The following PCLO variants were observed in gnomAD, a reference collection of about 807,000 sequenced individuals.
PCLO encodes protein piccolo.
In PCLO, 82 loss-of-function variants were observed where a neutral mutation model predicts 427.5. The ratio of observed to expected loss-of-function variants is 0.19; its 90% CI spans 0.16 to 0.23. The LOEUF (loss-of-function observed/expected upper bound fraction) is 0.23, where lower values mean the gene tolerates loss of function less well. PCLO is among the 10% of genes least tolerant of loss of function. The pLI is 1.00. For missense variants in PCLO, 6,239 were observed against 6,115.9 expected, an observed-to-expected ratio of 1.02 and a Z score of -0.67; for synonymous variants, 2,357 against 2,155.4, an observed-to-expected ratio of 1.09 and a Z score of -2.59.
At chr7:83,019,994 T>C (rs1788302151) in intron 3 of PCLO, among the ~76,000 whole-genome samples, 2 of 152,076 alleles carry the variant, frequency 1.3e-5, no homozygotes, top group Admixed American at 6.6e-5. Context: ...GAAGTAAGAG[T>C]CTAAATGATG....
chr7:82,846,325 G>A (rs1348505777), intron 12 of PCLO, among the ~76,000 whole-genome samples: 3 of 152,054 alleles, frequency 2.0e-5, no homozygotes, highest in Admixed American at 1.3e-4. Flanking sequence ...AGGATTTTAC[G>A]TGAACTTGTT....
At chr7:82,904,495 T>TG (rs1355967980) in intron 8 of PCLO, among the ~76,000 whole-genome samples, 1 of 152,076 alleles carries the variant, frequency 6.6e-6, no homozygotes, top group Non-Finnish European at 1.5e-5. Flanking sequence ...GCTTTGGTAC[T>TG]GCAGGTAATT....
chr7:82,938,617 C>CA (rs1423212810), intron 6 of PCLO, among the ~76,000 whole-genome samples: 5 of 151,788 alleles, frequency 3.3e-5, no homozygotes, highest in Non-Finnish European at 7.4e-5. Flanking sequence ...TGAAGAAATT[C>CA]AAAAACATTT....
At chr7:82,935,573 T>C (rs1206629333) in intron 6 of PCLO, among the ~76,000 whole-genome samples, 3 of 151,636 alleles carry the variant, frequency 2.0e-5, no homozygotes, top group Non-Finnish European at 3.0e-5. Flanking sequence ...AAAATCTATG[T>C]CTACACAAAG....
At chr7:82,859,053 G>A (rs1275433617) in intron 10 of PCLO, among the ~76,000 whole-genome samples, 1 of 152,166 alleles carries the variant, frequency 6.6e-6, no homozygotes, top group Non-Finnish European at 1.5e-5. Flanking sequence ...GAAGGATTGC[G>A]TTTGGTTGTT....
chr7:83,114,833 A>C (rs2116537438), intron 3 of PCLO, among the ~76,000 whole-genome samples: 1 of 152,168 alleles, frequency 6.6e-6, no homozygotes, highest in South Asian at 2.1e-4. Context: ...GATTTGTTTT[A>C]TAAAAGTCAT....
chr7:82,997,099 C>A (rs1787639094), intron 3 of PCLO, among the ~76,000 whole-genome samples: 1 of 151,802 alleles, frequency 6.6e-6, no homozygotes, highest in African/African-American at 2.4e-5. Context: ...AGATCAAACA[C>A]GTTTGGGTCA....
intron 22 of PCLO, among the ~76,000 whole-genome samples, chr7:82,788,419 T>A (rs758767811): frequency 6.6e-6 from 1 of 151,772 alleles, no homozygotes; most frequent in Non-Finnish European, 1.5e-5. Flanking sequence ...TTTTGATAAA[T>A]TACATTTCTT....
At chr7:82,794,729 C>T (rs977482141) in intron 22 of PCLO, among the ~76,000 whole-genome samples, 1 of 151,734 alleles carries the variant, frequency 6.6e-6, no homozygotes, top group Admixed American at 6.6e-5. Context: ...TCTCCTCGGT[C>T]TCCCAAAGTG....
At position 82,842,703 on chromosome 7, in the gene PCLO, T is replaced by G. The variant is rs1792397723; in HGVS notation, c.14047-1194A>C. On this transcript the variant is annotated intron_variant, in intron 13 of 24. Transcript: ENST00000333891. ...AAAATATACAAGAAAGTCAAACAACTCAACAGCAGGAAAACAAATAACCTG... is the reference window on the plus strand; with the variant it reads ...AAAATATACAAGAAAGTCAAACAACGCAACAGCAGGAAAACAAATAACCTG... Among the ~76,000 whole-genome samples the G allele has an allele frequency of 5.3e-5, 8 of 151,730 alleles. 3 individuals carry two copies. In the Middle Eastern group the frequency reaches 0.02, roughly 387 times the overall value.
At chr7:82,957,653 C>G (rs1316078307) in intron 4 of PCLO, among the ~76,000 whole-genome samples, 1 of 152,182 alleles carries the variant, frequency 6.6e-6, no homozygotes, top group African/African-American at 2.4e-5. Flanking sequence ...TCTGACTCAT[C>G]AGTTCAGTTA....
intron 3 of PCLO, among the ~76,000 whole-genome samples, chr7:83,102,045 T>G (rs1026693256): frequency 6.6e-6 from 1 of 151,990 alleles, no homozygotes; most frequent in Non-Finnish European, 1.5e-5. Flanking sequence ...TTGTTAGAGT[T>G]GAAAAATTGT....
rs369719370 is a variant in PCLO at position 83,113,406 on chromosome 7, C to T, written c.3300+20844G>A. ...AGCCTTAGCTGTAGATGTATTCTAC[C>T]TTATAGACCTGATTTTATAATGAGA... On this transcript the variant is annotated intron_variant, in intron 3 of 24. Transcript: ENST00000333891. Among the ~76,000 whole-genome samples, 47 of 152,152 alleles carry T rather than the reference C, an allele frequency of 3.1e-4. No individual in the cohort carries two copies. The South Asian group carries it at 9.5e-3, about 31-fold the overall frequency.
At chr7:83,099,744 A>G (rs1790689712) in intron 3 of PCLO, among the ~76,000 whole-genome samples, 3 of 152,180 alleles carry the variant, frequency 2.0e-5, no homozygotes, top group Non-Finnish European at 4.4e-5. Context: ...ACACTTGCAA[A>G]TCTTCTAAGA....
At chr7:82,827,816 G>T in intron 17 of PCLO, 57 bp downstream of exon 17, 2 of 948,720 alleles carry the variant, frequency 2.1e-6, no homozygotes, top group Non-Finnish European at 3.3e-6. Context: ...GAATAATTGT[G>T]TTATCACTGT....
At chr7:83,064,050 G>C (rs1350852249) in intron 3 of PCLO, among the ~76,000 whole-genome samples, 1 of 152,016 alleles carries the variant, frequency 6.6e-6, no homozygotes, top group Admixed American at 6.6e-5. Context: ...CCTACAATGA[G>C]AATGGTAAGT....
At chr7:82,980,622 T>C (rs1796125281) in intron 3 of PCLO, among the ~76,000 whole-genome samples, 1 of 152,184 alleles carries the variant, frequency 6.6e-6, no homozygotes, top group Non-Finnish European at 1.5e-5. Context: ...CTGGTTTCCA[T>C]TTAGCATGGA....
intron 3 of PCLO, among the ~76,000 whole-genome samples, chr7:83,023,675 G>T (rs1296623269): frequency 6.6e-6 from 1 of 152,158 alleles, no homozygotes; most frequent in Non-Finnish European, 1.5e-5. Context: ...CCCAAAAACT[G>T]AACATGTCTT....
Position 82,950,216 on chromosome 7 carries a change from C to A in PCLO, c.10372G>T (p.Val3458Leu). ...DDEDATDRSY[V>L]SRRRRTKKSV... ...TTTTTAGTTCTCCTTCTCCTACTCA[C>A]ATAGCTCCGATCTGTGGCATCTTCG... Residue 3458 changes from valine (V) to leucine (L), a missense_variant, in exon 6 of 25, where the codon GTG becomes TTG. By Grantham distance (32) the Val-to-Leu change is conservative. Around this residue, in one of 5 missense-constraint regions of PCLO, gnomAD observed 4,677 missense variants for 4,468.4 expected, o/e 1.05. Coordinates refer to ENST00000333891, the MANE Select transcript of PCLO (RefSeq NM_033026.6). 6.2e-7 allele frequency: 1 copy of A among 1,612,704 alleles called. No homozygotes were observed. Among genetic ancestry groups the A allele is most frequent in the Non-Finnish European group, 8.5e-7 (1 of 1,179,736 alleles).
Sources: gnomAD v4.1 joint callset for allele counts (sites outside exome capture counted in the v4.1 genomes callset) on GRCh38, gnomAD v4.1.1 for gene constraint, gnomAD v4.1.1 regional missense constraint, MANE v1.5 for transcripts, NCBI Gene and HGNC (gene_info 2026-07-23, HGNC 2026-07-21) for gene names.